Variants in INPP5D observed in about 807,000 individuals in gnomAD.
The protein encoded by INPP5D is phosphatidylinositol 3,4,5-trisphosphate 5-phosphatase 1.
INPP5D carries 33 observed loss-of-function variants against 122.9 expected under a neutral mutation model. That is an observed-to-expected ratio of 0.27 (90% confidence interval 0.20 to 0.36). The LOEUF (loss-of-function observed/expected upper bound fraction) is 0.36, where lower values mean the gene tolerates loss of function less well. Ranked by LOEUF, INPP5D falls within the 10% of genes least tolerant of loss-of-function variation. INPP5D has a pLI of 1.00. For synonymous variants in INPP5D, 584 were observed against 576.2 expected (o/e 1.01, Z -0.19); for missense variants, 1,053 against 1,412.7 (o/e 0.75, Z 4.08).
intron 1 of INPP5D, among the ~76,000 whole-genome samples, chr2:233,068,559 C>T (rs1032121551): frequency 6.6e-6 from 1 of 152,118 alleles, no homozygotes; most frequent in Non-Finnish European, 1.5e-5. Context: ...CGTGCCATTG[C>T]ACTCCAGCCT....
In INPP5D at chr2:233,164,383, T is replaced by G. The variant is rs1694272265; in HGVS notation, c.1514T>G (p.Ile505Ser). ...KPEHENRISH[I>S]CTDNVKTGIA... ...GAGCACGAGAACCGGATCAGCCACATCTGTACTGACAACGTGAAGACAGGC... is the reference window on the plus strand; with the variant it reads ...GAGCACGAGAACCGGATCAGCCACAGCTGTACTGACAACGTGAAGACAGGC... Residue 505 changes from isoleucine (I) to serine (S), a missense_variant, in exon 13 of 27, where the codon ATC becomes AGC. By Grantham distance (142) the Ile-to-Ser change is moderately radical (BLOSUM62 -2). Coordinates refer to ENST00000445964, the MANE Select transcript of INPP5D (RefSeq NM_001017915.3). The surrounding 1 kb of genome is among the most constrained non-coding windows in gnomAD (Gnocchi z 4.3). 1 of 1,552,898 alleles carries G rather than the reference T, an allele frequency of 6.4e-7. No individual in the cohort carries two copies. The highest frequency in any genetic ancestry group is 1.4e-5 in the African/African-American group (1 of 73,106).
intron 17 of INPP5D, among the ~76,000 whole-genome samples, chr2:233,173,208 CAAAA>C (rs199492575): frequency 3.0e-5 from 3 of 100,050 alleles, no homozygotes; most frequent in African/African-American, 7.9e-5. Flanking sequence ...GACTGTGTCT[CAAAA>C]AAAAAAAAAA....
Position 233,082,227 on chromosome 2 carries a change from C to T in INPP5D, c.198+2829C>T, listed in dbSNP as rs4335936. 0.17 allele frequency among the ~76,000 whole-genome samples: 25,974 copies of T among 152,006 alleles called. 2,315 individuals carry two copies. The highest frequency in any genetic ancestry group is 0.35 in the East Asian group (1,788 of 5,144). ...GGATTCTCCCAGGTGGACTCACCTTCGAAAATCTACCTCCAAGAGTAAATG... is the reference window on the plus strand; with the variant it reads ...GGATTCTCCCAGGTGGACTCACCTTTGAAAATCTACCTCCAAGAGTAAATG... On this transcript the variant is annotated intron_variant, in intron 2 of 26. Coordinates refer to ENST00000445964, the MANE Select transcript of INPP5D (RefSeq NM_001017915.3). The surrounding 1 kb of genome is among the most constrained non-coding windows in gnomAD (Gnocchi z 4.7).
Position 233,177,561 on chromosome 2 carries a change from A to G in INPP5D, c.2071+215A>G, listed in dbSNP as rs1021347837. Among the ~76,000 whole-genome samples, 9 of 152,148 alleles carry G rather than the reference A, an allele frequency of 5.9e-5. No homozygotes were observed. The highest frequency in any genetic ancestry group is 2.2e-4 in the African/African-American group (9 of 41,456). ...ATCCCCTGCTTTAGGAGACATTTGA[A>G]TTATAGAGCACTTTTTTTCTTTTTC... On this transcript the variant is annotated intron_variant, in intron 18 of 26. Transcript: ENST00000445964. The surrounding 1 kb of genome is among the most constrained non-coding windows in gnomAD (Gnocchi z 4.2).
intron 5 of INPP5D, chr2:233,134,015 G>A (rs1559311075): frequency 2.2e-6 from 1 of 456,198 alleles, no homozygotes; most frequent in Non-Finnish European, 4.4e-6. Flanking sequence ...TGGGACACGT[G>A]TGCATGGCAA....
In INPP5D at chr2:233,198,384, T is replaced by C. The variant is rs776936218; in HGVS notation, c.2975+8T>C. 6.2e-7 allele frequency: 1 copy of C among 1,603,918 alleles called. No individual in the cohort carries two copies. The highest frequency in any genetic ancestry group is 1.3e-5 in the African/African-American group (1 of 74,704). On this transcript the variant is annotated splice_region_variant and intron_variant, in intron 25 of 26. Transcript: ENST00000445964. ...CAGGACACAGGAGTCAAGGTGAGCA[T>C]CCTCTTCATTAAGACGGCTCCCTCC...
At chr2:233,178,830 C>T (rs1466175559) in intron 18 of INPP5D, among the ~76,000 whole-genome samples, 2 of 152,196 alleles carry the variant, frequency 1.3e-5, no homozygotes, top group Admixed American at 6.5e-5. Context: ...ACAATGGCCT[C>T]TAAAGGATGG....
intron 10 of INPP5D, among the ~76,000 whole-genome samples, chr2:233,158,946 C>A (rs1481515595): frequency 6.6e-6 from 1 of 152,132 alleles, no homozygotes; most frequent in East Asian, 1.9e-4. Context: ...ACACCACCAG[C>A]TAATTTTTTA....
intron 9 of INPP5D, among the ~76,000 whole-genome samples, chr2:233,157,700 G>A (rs985297354): frequency 6.6e-6 from 1 of 151,952 alleles, no homozygotes; most frequent in East Asian, 1.9e-4. Flanking sequence ...AGTCAAAAAT[G>A]TAATAGGACA....
At chr2:233,153,042 C>G (rs1392687114) in intron 9 of INPP5D, among the ~76,000 whole-genome samples, 3 of 152,178 alleles carry the variant, frequency 2.0e-5, no homozygotes, top group African/African-American at 7.2e-5. Flanking sequence ...GGGAACGTTT[C>G]AAAGGTAGAC....
Position 233,065,363 on chromosome 2 carries a change from A to G in INPP5D, c.134+4751A>G, listed in dbSNP as rs1337363464. Reference sequence around the variant, plus strand: ...TGCTCTGTCGCCAAGGCTGGAGTGCAGTGGTGCAATCTTGGTTCACTGCAA... The same window carrying G: ...TGCTCTGTCGCCAAGGCTGGAGTGCGGTGGTGCAATCTTGGTTCACTGCAA... On this transcript the variant is annotated intron_variant, in intron 1 of 26. Transcript: ENST00000445964. Among the ~76,000 whole-genome samples, 3 of 130,522 alleles carry G rather than the reference A, an allele frequency of 2.3e-5. No homozygotes were observed. In the Admixed American group the frequency reaches 2.7e-4, roughly 12 times the overall value. 85.6% of individuals were successfully genotyped at this position (130,522 alleles called of 152,430 possible).
chr2:233,123,007 G>T (rs1027486847), intron 3 of INPP5D, among the ~76,000 whole-genome samples: 1 of 152,138 alleles, frequency 6.6e-6, no homozygotes, highest in Non-Finnish European at 1.5e-5. Context: ...ATGCAGCTAC[G>T]GTCATTAGCA....
intron 5 of INPP5D, among the ~76,000 whole-genome samples, chr2:233,137,775 GA>G (rs1693504574): frequency 1.7e-5 from 2 of 120,824 alleles, no homozygotes; most frequent in South Asian, 6.0e-4. Flanking sequence ...TTTAACAAAA[GA>G]AAAAGAGATA....
In INPP5D at chr2:233,130,654, G is replaced by A; in HGVS notation, c.665+6G>A. The A allele has an allele frequency of 6.2e-7, 1 of 1,613,878 alleles. No individual in the cohort carries two copies. The highest frequency in any genetic ancestry group is 8.5e-7 in the Non-Finnish European group (1 of 1,179,814). On this transcript the variant is annotated splice_donor_region_variant and intron_variant, in intron 5 of 26. Transcript: ENST00000445964. ...CTCTGCAAGGAGCTCTATGGGTAAT[G>A]GCTGGCCCACGGGGGCGGGCAGGTG...
In INPP5D at chr2:233,189,283, C is replaced by T. The variant is rs980691800; in HGVS notation, c.2359-567C>T. 5.9e-5 allele frequency among the ~76,000 whole-genome samples: 9 copies of T among 152,228 alleles called. No homozygotes were observed. The South Asian group carries it at 8.3e-4, about 14-fold the overall frequency. On this transcript the variant is annotated intron_variant, in intron 21 of 26. Transcript: ENST00000445964. The surrounding 1 kb of genome is among the most constrained non-coding windows in gnomAD (Gnocchi z 5.6). ...TTCGCTGAGCCACACCCCCAACAAT[C>T]GGTAGGACACTCCAGGCCCAGCTGG...
intron 2 of INPP5D, among the ~76,000 whole-genome samples, chr2:233,107,510 T>C (rs1330177799): frequency 3.3e-5 from 5 of 152,098 alleles, no homozygotes; most frequent in African/African-American, 1.2e-4. Flanking sequence ...AGGGGTGATT[T>C]AGAAGGGAGT....
intron 2 of INPP5D, among the ~76,000 whole-genome samples, chr2:233,117,058 C>T (rs918631789): frequency 2.0e-5 from 3 of 152,166 alleles, no homozygotes; most frequent in Non-Finnish European, 2.9e-5. Context: ...TCCACGTGTC[C>T]GAGGGCATCA....
At chr2:233,070,693 G>A (rs920964336) in intron 1 of INPP5D, among the ~76,000 whole-genome samples, 3 of 151,848 alleles carry the variant, frequency 2.0e-5, no homozygotes, top group African/African-American at 4.8e-5. Context: ...CGCTCGCCTC[G>A]GCCTCCCAAA....
intron 2 of INPP5D, among the ~76,000 whole-genome samples, chr2:233,081,504 G>A (rs964092251): frequency 2.0e-5 from 3 of 152,160 alleles, no homozygotes; most frequent in African/African-American, 2.4e-5. Flanking sequence ...GGCACCCGCC[G>A]CCTGTAAATG....
Sources: gnomAD v4.1 joint callset for allele counts (sites outside exome capture counted in the v4.1 genomes callset) on GRCh38, gnomAD v4.1.1 for gene constraint, Gnocchi (gnomAD v3.1) non-coding constraint, MANE v1.5 for transcripts, NCBI Gene and HGNC (gene_info 2026-07-23, HGNC 2026-07-21) for gene names.